TRPM2: variants seen among roughly 807,000 people sequenced by gnomAD.
The protein encoded by TRPM2 is estrogen-responsive element-associated gene 1 protein.
A neutral mutation model predicts 174.0 loss-of-function variants in TRPM2; 161 were observed. The observed-to-expected ratio is 0.93, with a 90% confidence interval of 0.81 to 1.05. The LOEUF is 1.05. TRPM2 is among the 50% of genes least tolerant of loss of function. The probability of loss-of-function intolerance (pLI) is 0.00; values close to 1 mark genes in which losing one functional copy is unlikely to be tolerated. For missense variants in TRPM2, 2,057 were observed against 2,038.0 expected, an observed-to-expected ratio of 1.01 and a Z score of -0.18; for synonymous variants, 954 against 861.3, an observed-to-expected ratio of 1.11 and a Z score of -1.88.
intron 15 of TRPM2, 139 bp from the exon 16 acceptor site, chr21:44,401,542 C>A: frequency 1.2e-6 from 1 of 819,974 alleles, no homozygotes. Flanking sequence ...GCCGTTATGG[C>A]CCCGGATCCC....
At chr21:44,411,753 G>A (rs1255490621) in intron 19 of TRPM2, among the ~76,000 whole-genome samples, 2 of 152,162 alleles carry the variant, frequency 1.3e-5, no homozygotes, top group Non-Finnish European at 2.9e-5. Flanking sequence ...TCCTTTATCA[G>A]GTTGAAGAAG....
At chr21:44,412,586 G>A (rs572502815) in intron 19 of TRPM2, among the ~76,000 whole-genome samples, 10 of 151,568 alleles carry the variant, frequency 6.6e-5, no homozygotes, top group African/African-American at 2.4e-4. Context: ...TTGATTTCTC[G>A]ATCTCATTTA....
chr21:44,437,316 T>A (rs2051314130), intron 29 of TRPM2, 149 bp downstream of exon 29: 1 of 658,374 alleles, frequency 1.5e-6, no homozygotes, highest in Admixed American at 2.5e-5. Context: ...GCCTGTTTTG[T>A]CTGTAGAAGA....
chr21:44,357,599 C>G (rs370328669), intron 2 of TRPM2, among the ~76,000 whole-genome samples: 116 of 152,338 alleles, frequency 7.6e-4, no homozygotes, highest in African/African-American at 2.6e-3. Flanking sequence ...AAAGCCCATT[C>G]GAGGCTCAGA....
Position 44,390,918 on chromosome 21 carries a change from G to T in TRPM2, c.1333G>T (p.Asp445Tyr), listed in dbSNP as rs1277201295. 1 of 1,614,128 alleles carries T rather than the reference G, an allele frequency of 6.2e-7. No homozygotes were observed. Among genetic ancestry groups the T allele is most frequent in the Admixed American group, 1.7e-5 (1 of 60,028 alleles). Residue 445 changes from aspartate to tyrosine, a missense_variant, in exon 10 of 32, where the codon GAC becomes TAC. Asp to Tyr is a radical substitution (Grantham distance 160, BLOSUM62 -3). Coordinates refer to ENST00000397928, the MANE Select transcript of TRPM2 (RefSeq NM_003307.4). ...TTCATCTGCAGCCTCACGGAGCCAAGACCACTTTGGCCACGAGAACTGGGA... is the reference window on the plus strand; with the variant it reads ...TTCATCTGCAGCCTCACGGAGCCAATACCACTTTGGCCACGAGAACTGGGA... ...QALLKASRSQ[D>Y]HFGHENWDHQ...
intron 19 of TRPM2, 100 bp downstream of exon 19, chr21:44,406,865 G>A (rs2049902821): frequency 7.0e-7 from 1 of 1,430,814 alleles, no homozygotes. Context: ...GGCTCCATCA[G>A]GGGGTCCTGC....
intron 19 of TRPM2, among the ~76,000 whole-genome samples, chr21:44,409,911 G>A (rs2050041733): frequency 6.7e-6 from 1 of 148,506 alleles, no homozygotes; most frequent in Non-Finnish European, 1.5e-5. Flanking sequence ...TCTTGGCGTA[G>A]CCTTGTAGTA....
At chr21:44,428,688 GTGTGGCTCCTCCCC>G (rs2050913392) in intron 27 of TRPM2, among the ~76,000 whole-genome samples, 3 of 27,316 alleles carry the variant, frequency 1.1e-4, no homozygotes, top group Non-Finnish European at 1.3e-4. Flanking sequence ...CCTCCCTGAG[GTGTGGCTCCTCCCC>G]TGAGATGTGG....
Position 44,405,076 on chromosome 21 carries a change from A to T in TRPM2, c.2539-66A>T, listed in dbSNP as rs1484578016. The T allele has an allele frequency of 1.9e-6, 3 of 1,599,486 alleles. No individual in the cohort carries two copies. The East Asian group carries it at 6.7e-5, about 36-fold the overall frequency. On this transcript the variant is annotated intron_variant, in intron 16 of 31. Transcript: ENST00000397928. ...GATGATGATAGTGGATAGTGATGTG[A>T]CAGTGACAGTGAGGATAGTAAGAGT...
In TRPM2 at chr21:44,379,127, A is replaced by G. The variant is rs111701416; in HGVS notation, c.1145A>G (p.Lys382Arg). ...SDITISLIQQ[K>R]LSVFFQEMFE... is the part of the protein sequence containing the mutation. ...ATCACTATCTCCCTGATCCAGCAGA[A>G]ACTGAGCGTGTTCTTCCAGGAGATG... is the stretch of plus-strand genomic sequence containing the variant. The change falls in exon 8 of 32, where the codon AAA becomes AGA. Residue 382 changes from lysine (K) to arginine (R), a missense_variant. Lys to Arg is a conservative substitution (Grantham distance 26). Transcript: ENST00000397928. 2.5e-6 allele frequency: 4 copies of G among 1,613,504 alleles called. No homozygotes were observed. Among genetic ancestry groups the G allele is most frequent in the Non-Finnish European group, 8.5e-7 (1 of 1,180,032 alleles).
In TRPM2 at chr21:44,367,007, A is replaced by C; in HGVS notation, c.604+73A>C. 6.8e-7 allele frequency: 1 copy of C among 1,473,686 alleles called. No homozygotes were observed. The highest frequency in any genetic ancestry group is 1.4e-5 in the African/African-American group (1 of 70,836). The allele number at this position is 1,473,686 out of a possible 1,614,324, so 91.3% of individuals were successfully genotyped here. A position where few individuals can be genotyped will look rare whatever the true frequency, so the allele number is the denominator to read the frequency against. On this transcript the variant is annotated intron_variant, in intron 4 of 31. Transcript: ENST00000397928. This position sits in a 1 kb window ranked among gnomAD's most constrained non-coding sequence, Gnocchi z 4.6. ...CTGTGGAGGCAGTGCTGGGGCAATC[A>C]GGGCCATCAGGACCCAAAAAGTCCC...
chr21:44,373,214 T>A (rs1310434251), intron 5 of TRPM2, among the ~76,000 whole-genome samples: 1 of 151,918 alleles, frequency 6.6e-6, no homozygotes, highest in Non-Finnish European at 1.5e-5. Context: ...TTTGAGACAG[T>A]CTCACTCTGT....
chr21:44,399,591 G>C lies in TRPM2; in HGVS notation c.2208+150G>C. On this transcript the variant is annotated intron_variant, in intron 14 of 31. Transcript: ENST00000397928. This position sits in a 1 kb window ranked among gnomAD's most constrained non-coding sequence, Gnocchi z 4.6. ...ACAGCGCCTGACCCCTCGGCCACCT[G>C]CTCCAGGCTCTGGCCTCCCATTTTG... 8.2e-6 allele frequency: 9 copies of C among 1,102,664 alleles called. No homozygotes were observed. Among genetic ancestry groups the C allele is most frequent in the Non-Finnish European group, 1.1e-5 (9 of 821,554 alleles). 68.3% of individuals were successfully genotyped at this position (1,102,664 alleles called of 1,614,324 possible).
chr21:44,358,832 G>T (rs9974189), intron 2 of TRPM2, among the ~76,000 whole-genome samples: 1 of 151,984 alleles, frequency 6.6e-6, no homozygotes, highest in Non-Finnish European at 1.5e-5. Flanking sequence ...GACTTCAAGA[G>T]TGAAGCCGGG....
intron 16 of TRPM2, among the ~76,000 whole-genome samples, chr21:44,403,768 TATAC>T (rs2049728926): frequency 6.7e-6 from 1 of 149,290 alleles, no homozygotes; most frequent in South Asian, 2.1e-4. Context: ...TGCATACACA[TATAC>T]ATGCATGCAC....
intron 19 of TRPM2, 87 bp from the exon 20 acceptor site, chr21:44,413,804 C>G: frequency 6.8e-7 from 1 of 1,472,894 alleles, no homozygotes; most frequent in South Asian, 1.3e-5. Flanking sequence ...CTGGCAGTGA[C>G]TGGAGGCCTC....
rs1212863309 is a variant in TRPM2 at position 44,399,060 on chromosome 21, C to T, written c.2063-236C>T. ...GAGTCCATTAGGTCAGTTCTCGGTC[C>T]CTGTCTGAGTTTTCTCCCTGTTGTC... On this transcript the variant is annotated intron_variant, in intron 13 of 31. Transcript: ENST00000397928. The surrounding 1 kb of genome is among the most constrained non-coding windows in gnomAD (Gnocchi z 4.6). Among the ~76,000 whole-genome samples the T allele has an allele frequency of 6.6e-6, 1 of 152,080 alleles. No individual in the cohort carries two copies. The highest frequency in any genetic ancestry group is 1.5e-5 in the Non-Finnish European group (1 of 68,028).
chr21:44,440,762 C>G (rs758256345), intron 30 of TRPM2, 27 bp from the exon 31 acceptor site: 2 of 1,603,032 alleles, frequency 1.2e-6, no homozygotes. Context: ...CCCTCGCTGT[C>G]GGGCTTACCC....
intron 27 of TRPM2, among the ~76,000 whole-genome samples, chr21:44,434,738 C>T (rs1479126808): frequency 6.6e-6 from 1 of 152,116 alleles, no homozygotes; most frequent in Non-Finnish European, 1.5e-5. Context: ...CCACACTGCC[C>T]CTCGGAAGGC....
Sources: gnomAD v4.1 joint callset for allele counts (sites outside exome capture counted in the v4.1 genomes callset) on GRCh38, gnomAD v4.1.1 for gene constraint, Gnocchi (gnomAD v3.1) non-coding constraint, MANE v1.5 for transcripts, NCBI Gene and HGNC (gene_info 2026-07-23, HGNC 2026-07-21) for gene names.